KLF12: variants seen among roughly 807,000 people sequenced by gnomAD.
KLF12 encodes KLF transcription factor 12.
A neutral mutation model predicts 37.8 loss-of-function variants in KLF12; 9 were observed. The observed-to-expected ratio is 0.24, with a 90% confidence interval of 0.14 to 0.42. The LOEUF (loss-of-function observed/expected upper bound fraction) is 0.42. Among genes scored for constraint, KLF12 ranks in the 10% least tolerant of loss-of-function variants. The pLI is 1.00. For missense variants in KLF12, 411 were observed against 516.0 expected, an observed-to-expected ratio of 0.80 and a Z score of 1.97; for synonymous variants, 208 against 202.1, an observed-to-expected ratio of 1.03 and a Z score of -0.25.
At chr13:73,787,681 A>G (rs1881435853) in intron 5 of KLF12, among the ~76,000 whole-genome samples, 2 of 152,204 alleles carry the variant, frequency 1.3e-5, no homozygotes, top group South Asian at 4.1e-4. Flanking sequence ...ATTGGAACTC[A>G]AGCATTTGGC....
At chr13:73,897,901 C>A (rs1887861485) in intron 3 of KLF12, among the ~76,000 whole-genome samples, 1 of 152,150 alleles carries the variant, frequency 6.6e-6, no homozygotes, top group Non-Finnish European at 1.5e-5. Context: ...TCTGTTTATT[C>A]CTCTAAAATC....
chr13:74,232,136 A>C, the KLF12 span, among the ~76,000 whole-genome samples: 1 of 152,126 alleles, frequency 6.6e-6, no homozygotes, highest in African/African-American at 2.4e-5. Flanking sequence ...CTGGCAGAGG[A>C]AGAGGTTGTG....
chr13:73,718,294 G>A (rs1030237535), intron 6 of KLF12, among the ~76,000 whole-genome samples: 5 of 152,188 alleles, frequency 3.3e-5, no homozygotes, highest in African/African-American at 1.2e-4. Flanking sequence ...GACCAATGAA[G>A]TAATCGGGCA....
chr13:74,114,648 AC>A (rs755375647), intron 1 of KLF12, among the ~76,000 whole-genome samples: 1 of 146,616 alleles, frequency 6.8e-6, no homozygotes, highest in Non-Finnish European at 1.5e-5. Context: ...GCAGAGACAC[AC>A]TATTAAAATC....
the KLF12 span, among the ~76,000 whole-genome samples, chr13:74,159,500 T>G: frequency 1.3e-5 from 2 of 152,220 alleles, no homozygotes; most frequent in African/African-American, 4.8e-5. Context: ...TGTCCCATGC[T>G]AAAGAAGTTT....
chr13:73,978,570 C>G lies in KLF12; in HGVS notation c.33+16420G>C, dbSNP rs372723357. ...GTTAGACTCCTAGTTAGTAAACTAA[C>G]TCTTACCTTAGGATCCACCAATCAT... On this transcript the variant is annotated intron_variant, in intron 2 of 7. Coordinates refer to ENST00000377669, the MANE Select transcript of KLF12 (RefSeq NM_007249.5). Among the ~76,000 whole-genome samples the G allele has an allele frequency of 3.2e-4, 48 of 152,276 alleles. No individual in the cohort carries two copies. In the East Asian group the frequency reaches 3.5e-3, roughly 11 times the overall value.
intron 6 of KLF12, among the ~76,000 whole-genome samples, chr13:73,731,229 G>A (rs560245993): frequency 6.6e-6 from 1 of 152,140 alleles, no homozygotes; most frequent in South Asian, 2.1e-4. Flanking sequence ...TGGATGGCCA[G>A]GATAACATCA....
intron 7 of KLF12, among the ~76,000 whole-genome samples, chr13:73,697,228 C>T (rs1210231026): frequency 6.6e-6 from 1 of 152,216 alleles, no homozygotes; most frequent in Admixed American, 6.5e-5. Context: ...TTTCATTCAA[C>T]TGTTAAATCA....
intron 1 of KLF12, among the ~76,000 whole-genome samples, chr13:74,109,992 A>G (rs543851144): frequency 5.7e-4 from 87 of 152,340 alleles, no homozygotes; most frequent in African/African-American, 2.1e-3. Flanking sequence ...AGGAAAAAGT[A>G]TAATATTGAA....
chr13:73,942,012 T>C (rs956928068), intron 3 of KLF12, among the ~76,000 whole-genome samples: 3 of 152,068 alleles, frequency 2.0e-5, no homozygotes, highest in African/African-American at 7.2e-5. Context: ...ACAAAAAAAA[T>C]GCTTTCTATA....
At chr13:73,760,230 G>GT (rs1879459312) in intron 6 of KLF12, among the ~76,000 whole-genome samples, 1 of 152,138 alleles carries the variant, frequency 6.6e-6, no homozygotes, top group Non-Finnish European at 1.5e-5. Flanking sequence ...AGGCACATTA[G>GT]TAATAAATAA....
the KLF12 span, among the ~76,000 whole-genome samples, chr13:74,248,237 C>G: frequency 1.3e-5 from 2 of 152,168 alleles, no homozygotes; most frequent in African/African-American, 4.8e-5. Context: ...TCTCAGTACT[C>G]TGGAAGCATT....
chr13:74,038,002 C>T (rs554230353), intron 1 of KLF12, among the ~76,000 whole-genome samples: 1 of 152,294 alleles, frequency 6.6e-6, no homozygotes, highest in African/African-American at 2.4e-5. Context: ...TACACAAGAT[C>T]TGTTATCTTG....
intron 1 of KLF12, among the ~76,000 whole-genome samples, chr13:74,058,061 G>A (rs868042730): frequency 1.3e-5 from 2 of 151,146 alleles, no homozygotes; most frequent in Admixed American, 1.3e-4. Context: ...CCATCTCCCA[G>A]GTTCAAGCAA....
intron 6 of KLF12, among the ~76,000 whole-genome samples, chr13:73,738,123 A>ACACACACATATATGTATG (rs1877647337): frequency 1.6e-5 from 1 of 63,548 alleles, no homozygotes; most frequent in Admixed American, 1.3e-4. Flanking sequence ...ATATATATAT[A>ACACACACATATATGTATG]TACACACACA....
the KLF12 span, among the ~76,000 whole-genome samples, chr13:74,261,913 T>C: frequency 4.0e-4 from 61 of 152,346 alleles, no homozygotes; most frequent in African/African-American, 1.3e-3. Flanking sequence ...CAAATGAACA[T>C]GCTCATCCAT....
chr13:73,796,507 CTGTGTGTG>C (rs5804694), intron 5 of KLF12, among the ~76,000 whole-genome samples: 2,147 of 140,348 alleles, frequency 0.015, 46 homozygotes, highest in African/African-American at 0.046. Flanking sequence ...TGCCCCTGTG[CTGTGTGTG>C]TGTGTGTGTG....
chr13:73,995,108 A>G (rs1892071709), intron 1 of KLF12, 55 bp from the exon 2 acceptor site: 1 of 1,211,408 alleles, frequency 8.3e-7, no homozygotes, highest in Admixed American at 1.9e-5. Context: ...ACTTGATGTT[A>G]TTGCTCCTTT....
At chr13:73,861,779 G>A (rs1037659715) in intron 3 of KLF12, among the ~76,000 whole-genome samples, 11 of 151,984 alleles carry the variant, frequency 7.2e-5, no homozygotes, top group African/African-American at 2.7e-4. Flanking sequence ...ATATATACAT[G>A]CACCTCCGTG....
Sources: gnomAD v4.1 joint callset for allele counts (sites outside exome capture counted in the v4.1 genomes callset) on GRCh38, gnomAD v4.1.1 for gene constraint, MANE v1.5 for transcripts, NCBI Gene and HGNC (gene_info 2026-07-23, HGNC 2026-07-21) for gene names.